THSD7A: variants seen among roughly 807,000 people sequenced by gnomAD.
THSD7A encodes the protein thrombospondin type-1 domain-containing protein 7A.
Under a neutral mutation model 231.3 loss-of-function variants are expected in THSD7A, and 96 were observed. The ratio of observed to expected loss-of-function variants is 0.41; its 90% CI spans 0.35 to 0.49. The LOEUF is 0.49. Among genes scored for constraint, THSD7A ranks in the 20% least tolerant of loss-of-function variants. The pLI is 0.05. For missense variants in THSD7A, 2,290 were observed against 2,070.2 expected, an observed-to-expected ratio of 1.11 and a Z score of -2.06; for synonymous variants, 940 against 743.3, an observed-to-expected ratio of 1.26 and a Z score of -4.30.
intron 2 of THSD7A, among the ~76,000 whole-genome samples, chr7:11,629,149 C>T (rs1352375451): frequency 6.6e-6 from 1 of 152,108 alleles, no homozygotes; most frequent in Non-Finnish European, 1.5e-5. Context: ...TGCTTTCTCC[C>T]ATTGGTAGAA....
intron 6 of THSD7A, among the ~76,000 whole-genome samples, chr7:11,507,986 G>A: frequency 6.6e-6 from 1 of 152,130 alleles, no homozygotes. Context: ...TTAAAATCAT[G>A]GCAGAAGGTA....
At chr7:11,677,271 G>A (rs530070361) in intron 1 of THSD7A, among the ~76,000 whole-genome samples, 45 of 151,948 alleles carry the variant, frequency 3.0e-4, no homozygotes, top group Admixed American at 6.6e-4. Flanking sequence ...AAGGAAACAC[G>A]AAATATGGAA....
At chr7:11,387,609 C>G (rs1211423080) in intron 23 of THSD7A, among the ~76,000 whole-genome samples, 1 of 152,114 alleles carries the variant, frequency 6.6e-6, no homozygotes, top group East Asian at 1.9e-4. Flanking sequence ...AGATTTTGGG[C>G]TGATATGATG....
At chr7:11,512,607 A>G (rs552746537) in intron 6 of THSD7A, among the ~76,000 whole-genome samples, 28 of 152,168 alleles carry the variant, frequency 1.8e-4, no homozygotes, top group African/African-American at 6.3e-4. Flanking sequence ...GCAGCCATAA[A>G]AAAAGATGAG....
At chr7:11,534,962 A>T (rs543090411) in intron 6 of THSD7A, among the ~76,000 whole-genome samples, 1 of 152,148 alleles carries the variant, frequency 6.6e-6, no homozygotes, top group Non-Finnish European at 1.5e-5. Context: ...TGGGCAACAC[A>T]GTGAGACCAC....
intron 6 of THSD7A, among the ~76,000 whole-genome samples, chr7:11,535,937 G>T (rs560119767): frequency 6.6e-6 from 1 of 152,076 alleles, no homozygotes; most frequent in Non-Finnish European, 1.5e-5. Context: ...ACATTACAAT[G>T]TCCTTGTTTA....
At chr7:11,439,900 G>A (rs973378620) in intron 13 of THSD7A, among the ~76,000 whole-genome samples, 2 of 152,048 alleles carry the variant, frequency 1.3e-5, no homozygotes, top group African/African-American at 2.4e-5. Context: ...ACTACATTAA[G>A]CAACAGATTT....
chr7:11,779,723 T>A (rs1486621867), intron 1 of THSD7A, among the ~76,000 whole-genome samples: 1 of 152,236 alleles, frequency 6.6e-6, no homozygotes, highest in Non-Finnish European at 1.5e-5. Flanking sequence ...ATTAATTTCC[T>A]CATTGATTTC....
chr7:11,752,473 A>G (rs1254108937), intron 1 of THSD7A, among the ~76,000 whole-genome samples: 1 of 151,990 alleles, frequency 6.6e-6, no homozygotes, highest in Non-Finnish European at 1.5e-5. Flanking sequence ...TTAGTACATA[A>G]TTTTTGATAA....
chr7:11,706,397 G>A (rs915863406), intron 1 of THSD7A, among the ~76,000 whole-genome samples: 2 of 150,728 alleles, frequency 1.3e-5, no homozygotes, highest in African/African-American at 4.9e-5. Flanking sequence ...AACATGATGA[G>A]TCTTAAGAAA....
chr7:11,493,962 A>G (rs1764126585), intron 6 of THSD7A, among the ~76,000 whole-genome samples: 1 of 152,094 alleles, frequency 6.6e-6, no homozygotes, highest in Non-Finnish European at 1.5e-5. Flanking sequence ...GAAGAAACAC[A>G]CACACACATA....
chr7:11,448,714 G>C (rs1246625992), intron 11 of THSD7A, among the ~76,000 whole-genome samples: 1 of 152,106 alleles, frequency 6.6e-6, no homozygotes, highest in African/African-American at 2.4e-5. Flanking sequence ...AGCAAGGCAA[G>C]ATTTTCTCTG....
At chr7:11,776,561 C>T (rs1283929226) in intron 1 of THSD7A, among the ~76,000 whole-genome samples, 1 of 152,092 alleles carries the variant, frequency 6.6e-6, no homozygotes, top group Non-Finnish European at 1.5e-5. Context: ...GTGCTTGAAG[C>T]ACTGTATAAG....
At chr7:11,647,458 T>C (rs777280152) in intron 1 of THSD7A, among the ~76,000 whole-genome samples, 8 of 152,078 alleles carry the variant, frequency 5.3e-5, no homozygotes, top group Non-Finnish European at 8.8e-5. Context: ...TGCAATCTGT[T>C]ATTTTTCGAC....
intron 2 of THSD7A, among the ~76,000 whole-genome samples, chr7:11,621,126 A>G (rs1378630500): frequency 6.6e-6 from 1 of 152,228 alleles, no homozygotes; most frequent in African/African-American, 2.4e-5. Context: ...TTGGTTGTTC[A>G]AATGCAGTTT....
intron 1 of THSD7A, among the ~76,000 whole-genome samples, chr7:11,784,944 A>G (rs1783742724): frequency 6.6e-6 from 1 of 152,182 alleles, no homozygotes; most frequent in South Asian, 2.1e-4. Context: ...TTAGATAGGT[A>G]GTAAACCTTG....
chr7:11,428,592 C>T (rs533028182), intron 14 of THSD7A, among the ~76,000 whole-genome samples: 2 of 152,248 alleles, frequency 1.3e-5, no homozygotes, highest in African/African-American at 4.8e-5. Context: ...ATTGAGATGT[C>T]TTTTCTGACA....
intron 1 of THSD7A, among the ~76,000 whole-genome samples, chr7:11,788,759 T>G (rs1017567644): frequency 3.3e-5 from 5 of 152,044 alleles, no homozygotes; most frequent in Admixed American, 1.3e-4. Context: ...TGACTCGATT[T>G]TATTATCTGT....
At chr7:11,383,372 A>C (rs1456571171) in intron 23 of THSD7A, among the ~76,000 whole-genome samples, 1 of 152,004 alleles carries the variant, frequency 6.6e-6, no homozygotes, top group Non-Finnish European at 1.5e-5. Flanking sequence ...TTTTTCTATT[A>C]GATTATTTTT....
Sources: allele counts gnomAD v4.1 joint callset (sites outside exome capture counted in the v4.1 genomes callset), GRCh38; gene constraint gnomAD v4.1.1; transcripts MANE v1.5; gene names NCBI Gene and HGNC (gene_info 2026-07-23, HGNC 2026-07-21).